Variants in ATG7 observed in about 807,000 individuals in gnomAD.
ATG7 encodes the protein ubiquitin-like modifier-activating enzyme ATG7.
ATG7 carries 70 observed loss-of-function variants against 82.4 expected under a neutral mutation model. That is an observed-to-expected ratio of 0.85 (90% confidence interval 0.70 to 1.04). ATG7 has a LOEUF of 1.04. ATG7 is among the 50% of genes least tolerant of loss of function. The pLI, the probability that ATG7 is intolerant of heterozygous loss-of-function variation, is 0.00. For synonymous variants in ATG7, 287 were observed against 313.0 expected (o/e 0.92, Z 0.88); for missense variants, 792 against 864.3 (o/e 0.92, Z 1.05).
intron 20 of ATG7, among the ~76,000 whole-genome samples, chr3:11,527,416 A>C (rs1481557825): frequency 6.6e-6 from 1 of 151,876 alleles, no homozygotes; most frequent in Non-Finnish European, 1.5e-5. Context: ...CTTATATTGA[A>C]CCATCCTTGT....
chr3:11,430,913 G>A (rs967428581), intron 20 of ATG7, among the ~76,000 whole-genome samples: 5 of 152,190 alleles, frequency 3.3e-5, no homozygotes, highest in African/African-American at 1.2e-4. Context: ...TTGGATTTTG[G>A]CAGAGAAAGA....
At chr3:11,500,941 G>A (rs1172716165) in intron 20 of ATG7, among the ~76,000 whole-genome samples, 1 of 152,118 alleles carries the variant, frequency 6.6e-6, no homozygotes, top group Non-Finnish European at 1.5e-5. Context: ...CTAAGTTTTT[G>A]TATAAATAAC....
chr3:11,394,214 A>G (rs1377425846), intron 19 of ATG7, among the ~76,000 whole-genome samples: 1 of 152,194 alleles, frequency 6.6e-6, no homozygotes, highest in Non-Finnish European at 1.5e-5. Flanking sequence ...AATACCATAG[A>G]ACTTTTTCAC....
intron 20 of ATG7, among the ~76,000 whole-genome samples, chr3:11,504,562 G>C (rs1382520646): frequency 6.6e-6 from 1 of 152,242 alleles, no homozygotes; most frequent in Non-Finnish European, 1.5e-5. Flanking sequence ...GACTAGAACA[G>C]ACTGGATCCA....
chr3:11,408,664 G>A (rs2080590739), intron 19 of ATG7, among the ~76,000 whole-genome samples: 2 of 152,196 alleles, frequency 1.3e-5, no homozygotes, highest in Non-Finnish European at 2.9e-5. Flanking sequence ...ATGGATGGCA[G>A]CGGGCAAAGA....
chr3:11,468,447 A>G (rs376787960), intron 20 of ATG7, among the ~76,000 whole-genome samples: 10 of 152,198 alleles, frequency 6.6e-5, no homozygotes, highest in African/African-American at 2.4e-4. Flanking sequence ...TTATTTACTT[A>G]CCACCTTGGA....
intron 20 of ATG7, among the ~76,000 whole-genome samples, chr3:11,554,477 G>T (rs1192780578): frequency 2.0e-5 from 3 of 152,198 alleles, no homozygotes; most frequent in Non-Finnish European, 4.4e-5. Flanking sequence ...GGCTTGGGGT[G>T]GGGGTGAGTG....
intron 20 of ATG7, among the ~76,000 whole-genome samples, chr3:11,471,539 T>TTTTATTCATTTAA (rs2087520835): frequency 7.9e-5 from 12 of 152,118 alleles, no homozygotes; most frequent in Non-Finnish European, 1.8e-4. Context: ...AAACTTTAAA[T>TTTTATTCATTTAA]GAATAAAATG....
chr3:11,482,217 C>T (rs1296169707), intron 20 of ATG7, among the ~76,000 whole-genome samples: 1 of 152,216 alleles, frequency 6.6e-6, no homozygotes, highest in Admixed American at 6.5e-5. Flanking sequence ...ATGGCTCTCC[C>T]TGAGCCCTTG....
At position 11,431,810 on chromosome 3, in the gene ATG7, AGG is replaced by A. The variant is rs2082916515; in HGVS notation, c.2079+4885_2079+4886del. 3.3e-5 allele frequency among the ~76,000 whole-genome samples: 5 copies of A among 152,358 alleles called. 1 individual carries two copies. The highest frequency in any genetic ancestry group is 1.2e-4 in the African/African-American group (5 of 41,592). ...CCTAAATATAGCCCCTTTATGAAGG[AGG>A]AATGCAAAGCTGATCCAACTAGAGA... is the stretch of plus-strand genomic sequence containing the variant. On this transcript the variant is annotated intron_variant, in intron 20 of 20. Coordinates refer to ENST00000693202, the MANE Select transcript of ATG7 (RefSeq NM_001349232.2).
chr3:11,323,885 G>C (rs962966302), intron 9 of ATG7, among the ~76,000 whole-genome samples: 2 of 152,184 alleles, frequency 1.3e-5, no homozygotes, highest in African/African-American at 4.8e-5. Flanking sequence ...GTTATATCAA[G>C]TGTTTGAGTT....
intron 20 of ATG7, among the ~76,000 whole-genome samples, chr3:11,539,790 C>T (rs537194029): frequency 5.0e-4 from 76 of 152,362 alleles, no homozygotes; most frequent in Admixed American, 7.8e-4. Flanking sequence ...CTTTGAGAAA[C>T]GTACTCGCTT....
At chr3:11,453,553 T>G (rs931673471) in intron 20 of ATG7, among the ~76,000 whole-genome samples, 1 of 152,178 alleles carries the variant, frequency 6.6e-6, no homozygotes, top group African/African-American at 2.4e-5. Context: ...TGCAGCTGTT[T>G]TGGCTAATTT....
At chr3:11,425,860 A>C (rs573761029) in intron 19 of ATG7, among the ~76,000 whole-genome samples, 1 of 152,180 alleles carries the variant, frequency 6.6e-6, no homozygotes, top group East Asian at 1.9e-4. Context: ...CCACAGATTC[A>C]TGTTGCCTAT....
At chr3:11,326,692 T>A (rs1950930409) in intron 9 of ATG7, among the ~76,000 whole-genome samples, 1 of 152,214 alleles carries the variant, frequency 6.6e-6, no homozygotes, top group African/African-American at 2.4e-5. Flanking sequence ...CTATCTGTCA[T>A]GATTGGCAGA....
chr3:11,496,238 C>A (rs1021668370), intron 20 of ATG7, among the ~76,000 whole-genome samples: 1 of 152,226 alleles, frequency 6.6e-6, no homozygotes, highest in African/African-American at 2.4e-5. Context: ...TCTCTCCAAG[C>A]GTTTCCACTG....
intron 20 of ATG7, among the ~76,000 whole-genome samples, chr3:11,533,209 T>C: frequency 7.0e-6 from 1 of 142,292 alleles, no homozygotes; most frequent in South Asian, 2.1e-4. Context: ...CATGCTGAGC[T>C]GCTGACCCCC....
chr3:11,301,157 C>T (rs1266123686), intron 5 of ATG7, among the ~76,000 whole-genome samples: 2 of 152,030 alleles, frequency 1.3e-5, no homozygotes, highest in African/African-American at 4.8e-5. Flanking sequence ...GAAAGAGAAA[C>T]TAACAGTGTC....
the ATG7 span, among the ~76,000 whole-genome samples, chr3:11,571,954 A>C: frequency 6.6e-6 from 1 of 152,180 alleles, no homozygotes; most frequent in Non-Finnish European, 1.5e-5. Flanking sequence ...TAAAAATACA[A>C]AAATTATCTG....
Sources: gnomAD v4.1 joint callset for allele counts (sites outside exome capture counted in the v4.1 genomes callset) on GRCh38, gnomAD v4.1.1 for gene constraint, MANE v1.5 for transcripts, NCBI Gene and HGNC (gene_info 2026-07-23, HGNC 2026-07-21) for gene names.